NCALD: variants seen among roughly 807,000 people sequenced by gnomAD.
NCALD encodes the protein neurocalcin-delta.
A neutral mutation model predicts 18.6 loss-of-function variants in NCALD; 10 were observed. The ratio of observed to expected loss-of-function variants is 0.54; its 90% confidence interval spans 0.33 to 0.91. NCALD has a LOEUF of 0.91. NCALD is among the 40% of genes least tolerant of loss of function. NCALD has a pLI of 0.03. For synonymous variants in NCALD, 88 were observed against 87.4 expected (o/e 1.01, Z -0.04); for missense variants, 184 against 247.6 (o/e 0.74, Z 1.72).
intron 1 of NCALD, among the ~76,000 whole-genome samples, chr8:101,778,758 T>C (rs191348328): frequency 5.9e-5 from 9 of 152,128 alleles, no homozygotes; most frequent in Non-Finnish European, 1.0e-4. Flanking sequence ...ATCGTTTCCA[T>C]AGTAAGAGCT....
chr8:101,914,046 T>C (rs565318654), intron 3 of NCALD, among the ~76,000 whole-genome samples: 2 of 152,376 alleles, frequency 1.3e-5, no homozygotes, highest in East Asian at 3.8e-4. Context: ...CCAATGTTGA[T>C]ACATTATTGT....
At chr8:101,931,392 A>C (rs1818566492) in intron 2 of NCALD, among the ~76,000 whole-genome samples, 1 of 152,168 alleles carries the variant, frequency 6.6e-6, no homozygotes, top group Non-Finnish European at 1.5e-5. Context: ...CCTGTTAACA[A>C]CATCAGATAT....
chr8:101,830,281 C>T (rs1240756311), intron 4 of NCALD, among the ~76,000 whole-genome samples: 2 of 152,100 alleles, frequency 1.3e-5, no homozygotes, highest in African/African-American at 2.4e-5. Flanking sequence ...ATGTTTTGGG[C>T]CAGGCATGGT....
chr8:101,988,440 T>C (rs1316789790), intron 2 of NCALD, among the ~76,000 whole-genome samples: 1 of 152,178 alleles, frequency 6.6e-6, no homozygotes, highest in African/African-American at 2.4e-5. Flanking sequence ...TGTCACTTAC[T>C]GTATGACATC....
intron 1 of NCALD, among the ~76,000 whole-genome samples, chr8:101,768,355 C>T (rs1811435713): frequency 6.7e-6 from 1 of 148,166 alleles, no homozygotes; most frequent in Non-Finnish European, 1.5e-5. Context: ...ATCTGCAGGT[C>T]ACAGCTGTAA....
chr8:102,036,191 A>AG, intron 1 of NCALD, among the ~76,000 whole-genome samples: 1 of 152,052 alleles, frequency 6.6e-6, no homozygotes, highest in Admixed American at 6.5e-5. Context: ...GCCCACCTGT[A>AG]GTCCCAGCTA....
chr8:101,719,728 T>C (rs1816263623), intron 1 of NCALD, 80 bp from the exon 2 acceptor site: 1 of 1,340,954 alleles, frequency 7.5e-7, no homozygotes, highest in Admixed American at 2.6e-5. Flanking sequence ...ATTGTTCCTT[T>C]GGGAAGAAGA....
At chr8:102,083,669 T>G (rs1482678055) in intron 1 of NCALD, among the ~76,000 whole-genome samples, 1 of 152,236 alleles carries the variant, frequency 6.6e-6, no homozygotes, top group Non-Finnish European at 1.5e-5. Context: ...CAACTCTTTT[T>G]AGCTATTCTC....
chr8:101,980,054 G>A (rs1485904917), intron 2 of NCALD, among the ~76,000 whole-genome samples: 2 of 152,178 alleles, frequency 1.3e-5, no homozygotes, highest in Non-Finnish European at 2.9e-5. Context: ...AGGCCAAAAT[G>A]GGGGTGGGGG....
chr8:101,893,177 C>A (rs1816985113), intron 3 of NCALD, among the ~76,000 whole-genome samples: 3 of 151,992 alleles, frequency 2.0e-5, no homozygotes, highest in South Asian at 4.1e-4. Context: ...AGCAGAAACC[C>A]TACAAGCCAG....
rs1025586005 is a variant in NCALD, at chr8:101,917,874, A to T, written c.-156-2016T>A. 9.2e-5 allele frequency among the ~76,000 whole-genome samples: 14 copies of T among 152,256 alleles called. 1 individual carries two copies. The highest frequency in any genetic ancestry group is 3.4e-4 in the African/African-American group (14 of 41,582). On this transcript the variant is annotated intron_variant, in intron 2 of 6. Coordinates refer to the NCALD transcript ENST00000311028. Reference sequence around the variant, plus strand: ...TCAAAAAAACCTCAGGACTAGATGGATTCACAGCCAAATTCTAGCAGATGT... The same window carrying T: ...TCAAAAAAACCTCAGGACTAGATGGTTTCACAGCCAAATTCTAGCAGATGT...
chr8:101,993,966 T>C (rs148617361), intron 2 of NCALD, among the ~76,000 whole-genome samples: 87 of 152,358 alleles, frequency 5.7e-4, no homozygotes, highest in African/African-American at 1.9e-3. Context: ...AAAGCTGCTC[T>C]TCCAGACTCT....
At chr8:102,057,161 G>T (rs2132244440) in intron 1 of NCALD, among the ~76,000 whole-genome samples, 1 of 152,074 alleles carries the variant, frequency 6.6e-6, no homozygotes, top group East Asian at 1.9e-4. Flanking sequence ...CAAAAAGTCT[G>T]TAATTTCTCT....
At chr8:101,890,255 G>C (rs1443644126) in intron 3 of NCALD, among the ~76,000 whole-genome samples, 1 of 152,146 alleles carries the variant, frequency 6.6e-6, no homozygotes, top group African/African-American at 2.4e-5. Flanking sequence ...AATGGATGTA[G>C]GAAAAGATGA....
chr8:102,099,993 A>AG (rs1554596973), intron 1 of NCALD, among the ~76,000 whole-genome samples: 3 of 50,300 alleles, frequency 6.0e-5, no homozygotes, highest in Admixed American at 1.6e-4. Flanking sequence ...AAAAAAAAAA[A>AG]AAGAAGAAGA....
intron 2 of NCALD, among the ~76,000 whole-genome samples, chr8:101,991,278 G>A (rs1034370207): frequency 1.3e-5 from 2 of 152,054 alleles, no homozygotes; most frequent in East Asian, 1.9e-4. Context: ...CAATCATCAG[G>A]TGCCCCTAAC....
At chr8:101,993,943 C>G (rs1054249680) in intron 2 of NCALD, among the ~76,000 whole-genome samples, 1 of 152,186 alleles carries the variant, frequency 6.6e-6, no homozygotes, top group African/African-American at 2.4e-5. Flanking sequence ...CACCTCCCAG[C>G]ACTGCATAAA....
Position 101,946,593 on chromosome 8 carries a change from G to A in NCALD, c.-156-30735C>T, listed in dbSNP as rs531515575. ...TCATTTTCAATTGAGCCCTATCAGA[G>A]CAACAGGAATTCTACTAATATTGCA... On this transcript the variant is annotated intron_variant, in intron 2 of 6. Transcript: ENST00000311028. Among the ~76,000 whole-genome samples the A allele has an allele frequency of 2.2e-4, 33 of 152,078 alleles. No homozygotes were observed. The East Asian group carries it at 5.6e-3, about 26-fold the overall frequency.
chr8:102,116,297 TCTA>T (rs1825784510), intron 1 of NCALD, among the ~76,000 whole-genome samples: 1 of 146,290 alleles, frequency 6.8e-6, no homozygotes, highest in Non-Finnish European at 1.5e-5. Flanking sequence ...AACAAAAACC[TCTA>T]CTGTGTGTCA....
Sources: allele counts gnomAD v4.1 joint callset (sites outside exome capture counted in the v4.1 genomes callset), GRCh38; gene constraint gnomAD v4.1.1; transcripts MANE v1.5; gene names NCBI Gene and HGNC (gene_info 2026-07-23, HGNC 2026-07-21).